The following ACTR8 variants were observed in gnomAD, a reference collection of about 807,000 sequenced individuals.
ACTR8 encodes actin related protein 8.
In ACTR8, 70 loss-of-function variants were observed where a neutral mutation model predicts 84.3. That is an observed-to-expected ratio of 0.83 (90% CI 0.68 to 1.01). The LOEUF (loss-of-function observed/expected upper bound fraction) is 1.01. Ranked by LOEUF, ACTR8 falls within the 50% of genes least tolerant of loss-of-function variation. ACTR8 has a pLI of 0.00. For synonymous variants in ACTR8, 268 were observed against 275.2 expected, an observed-to-expected ratio of 0.97 and a Z score of 0.26; for missense variants, 672 against 775.4, an observed-to-expected ratio of 0.87 and a Z score of 1.58.
In ACTR8 at chr3:53,872,528, T is replaced by C; in HGVS notation, c.1162-4A>G. 2 of 1,585,280 alleles carry C rather than the reference T, an allele frequency of 1.3e-6. No homozygotes were observed. The highest frequency in any genetic ancestry group is 1.7e-6 in the Non-Finnish European group (2 of 1,171,030). Reference sequence around the variant, plus strand: ...GGTAAAACAAAGCCATTGGAGCCTGTACATGAAGAAAAAGAGTGATCAACA... The same window carrying C: ...GGTAAAACAAAGCCATTGGAGCCTGCACATGAAGAAAAAGAGTGATCAACA... On this transcript the variant is annotated splice_region_variant and splice_polypyrimidine_tract_variant and intron_variant, in intron 9 of 12. Transcript: ENST00000335754.
chr3:53,878,585 C>A, intron 2 of ACTR8, 118 bp from the exon 3 acceptor site: 1 of 696,676 alleles, frequency 1.4e-6, no homozygotes. Flanking sequence ...AGTAGCGTTT[C>A]CTTAATCTTT....
chr3:53,866,531 G>C (rs757716916), downstream of ACTR8, among the ~76,000 whole-genome samples: 2 of 151,776 alleles, frequency 1.3e-5, no homozygotes, highest in Non-Finnish European at 2.9e-5. Flanking sequence ...ACCCAGGCTG[G>C]AGTGCAGTGG....
downstream of ACTR8, among the ~76,000 whole-genome samples, chr3:53,866,077 T>A (rs900091689): frequency 1.6e-4 from 25 of 152,380 alleles, no homozygotes; most frequent in African/African-American, 5.5e-4. Context: ...TTTTTATAAA[T>A]GAGTTATTAT....
At chr3:53,872,977 G>T in intron 9 of ACTR8, 55 bp downstream of exon 9, 1 of 1,350,886 alleles carries the variant, frequency 7.4e-7, no homozygotes, top group Non-Finnish European at 1.0e-6. Context: ...CTCTCAGTTT[G>T]ATTGAACCTG....
chr3:53,863,605 C>T (rs547283281), downstream of ACTR8, among the ~76,000 whole-genome samples: 10 of 152,224 alleles, frequency 6.6e-5, no homozygotes, highest in East Asian at 1.5e-3. Flanking sequence ...TGTTTTACAG[C>T]ACCGTATAGG....
At position 53,870,369 on chromosome 3, in the gene ACTR8, G is replaced by A. The variant is rs1699864782; in HGVS notation, c.1568-224C>T. The A allele has an allele frequency of 1.8e-6, 1 of 556,380 alleles. No individual in the cohort carries two copies. The allele number at this position is 556,380 out of a possible 1,614,324, so 34.5% of individuals were successfully genotyped here. A position where few individuals can be genotyped will look rare whatever the true frequency, so the allele number is the denominator to read the frequency against. ...AGGATTAGGATCAAAATCTTTAAAG[G>A]AGGCCGAGCATGGTGGCTCACGCCT... is the stretch of plus-strand genomic sequence containing the variant. On this transcript the variant is annotated intron_variant, in intron 11 of 12. Transcript: ENST00000335754. The surrounding 1 kb of genome is among the most constrained non-coding windows in gnomAD (Gnocchi z 4.1).
chr3:53,861,589 G>A, the ACTR8 span: 1 of 152,178 alleles, frequency 6.6e-6, no homozygotes, highest in African/African-American at 2.4e-5. Context: ...TTGAGAAAAA[G>A]CAAAGTCATT....
In ACTR8 at chr3:53,867,203, T is replaced by C. The variant is rs938427600; in HGVS notation, c.*1516A>G. On this transcript the variant is annotated 3_prime_UTR_variant, in exon 13 of 13. Transcript: ENST00000335754. ...TCCTTTGAAACAGCTCTACCAGTTA[T>C]AAGAGCAATATGCTGTTAGGTGAAG... is the stretch of plus-strand genomic sequence containing the variant. 4 of 152,256 alleles carry C rather than the reference T, an allele frequency of 2.6e-5. No homozygotes were observed. Among genetic ancestry groups the C allele is most frequent in the Non-Finnish European group, 4.4e-5 (3 of 68,042 alleles). 9.4% of individuals were successfully genotyped at this position (152,256 alleles called of 1,614,324 possible).
chr3:53,881,481 T>C (rs1339057118), intron 1 of ACTR8, among the ~76,000 whole-genome samples: 1 of 152,234 alleles, frequency 6.6e-6, no homozygotes, highest in African/African-American at 2.4e-5. Context: ...ATGTCCACCA[T>C]TTCCTTGCTT....
intron 1 of ACTR8, 73 bp downstream of exon 1, chr3:53,881,906 C>A (rs1576870420): frequency 6.5e-7 from 1 of 1,545,844 alleles, no homozygotes; most frequent in East Asian, 2.4e-5. Flanking sequence ...AGCCTCCCGC[C>A]GCCTCCCGCC....
intron 2 of ACTR8, 67 bp downstream of exon 2, chr3:53,879,872 G>A: frequency 1.4e-6 from 2 of 1,408,266 alleles, no homozygotes; most frequent in South Asian, 1.5e-5. Flanking sequence ...AGATTCTGGT[G>A]TACTTGTGTC....
intron 7 of ACTR8, among the ~76,000 whole-genome samples, chr3:53,875,132 T>G (rs1018817901): frequency 2.6e-5 from 4 of 152,200 alleles, no homozygotes; most frequent in African/African-American, 9.7e-5. Flanking sequence ...GAAACCTGGG[T>G]CCAGCATTTT....
rs1431551916 is a variant in ACTR8, at chr3:53,874,338, T to G, written c.938A>C (p.Asp313Ala). The G allele has an allele frequency of 1.2e-6, 2 of 1,613,924 alleles. No individual in the cohort carries two copies. The highest frequency in any genetic ancestry group is 3.3e-5 in the Admixed American group (2 of 59,968). Residue 313 changes from aspartate (D) to alanine (A), a missense_variant, in exon 8 of 13, where the codon GAT (aspartate) becomes GCT (alanine). Transcript: ENST00000335754. ...TRLCLAYGGS[D>A]VSRCFYWLMQ... ...TAGCCAGTAAAAACATCTTGACACA[T>G]CAGATCCTCCGTATGCCAGACAAAG... is the stretch of plus-strand genomic sequence containing the variant.
chr3:53,868,776 T>C lies in ACTR8; in HGVS notation c.1818A>G (p.Arg606=), dbSNP rs1576859159. ...TGCGGACACCAAAGCGCTGCCACTC[T>C]CGCTGATAAATCCACAGTTCCTGTG... ...DTTQELWIYQ[R]EWQRFGVRML... The change falls in exon 13 of 13, where the codon CGA becomes CGG. Residue 606 remains arginine (R), a synonymous_variant. Transcript: ENST00000335754. The C allele has an allele frequency of 3.1e-6, 5 of 1,614,216 alleles. No individual in the cohort carries two copies. The East Asian group carries it at 6.7e-5, about 22-fold the overall frequency.
At chr3:53,880,382 G>A (rs1700040283) in intron 1 of ACTR8, among the ~76,000 whole-genome samples, 2 of 152,288 alleles carry the variant, frequency 1.3e-5, no homozygotes, top group Admixed American at 1.3e-4. Flanking sequence ...TTAACATACA[G>A]TTATTGAGCA....
downstream of ACTR8, chr3:53,865,114 C>T: frequency 1.2e-6 from 2 of 1,614,212 alleles, no homozygotes; most frequent in South Asian, 2.2e-5. Context: ...AAGCCAGATT[C>T]ATCTGCACAA....
At chr3:53,879,089 A>G (rs1362225631) in intron 2 of ACTR8, among the ~76,000 whole-genome samples, 1 of 152,242 alleles carries the variant, frequency 6.6e-6, no homozygotes, top group Non-Finnish European at 1.5e-5. Flanking sequence ...GTTAAGCCAT[A>G]AACTTACTGG....
chr3:53,866,233 A>C (rs981410893), downstream of ACTR8, among the ~76,000 whole-genome samples: 2 of 152,170 alleles, frequency 1.3e-5, no homozygotes, highest in East Asian at 1.9e-4. Flanking sequence ...AGATTTAAAA[A>C]ATTAGCTGAG....
rs1322899764 is a variant in ACTR8, at chr3:53,878,453, A to G, written c.309T>C (p.Asn103=). 6.2e-7 allele frequency: 1 copy of G among 1,611,018 alleles called. No individual in the cohort carries two copies. Among genetic ancestry groups the G allele is most frequent in the Non-Finnish European group, 8.5e-7 (1 of 1,178,548 alleles). Reference sequence around the variant, plus strand: ...TTTTAAGGCCATTTTGTCTTTGTTCATTACTTTCTGGTTTCTGGGGAAAAA... The same window carrying G: ...TTTTAAGGCCATTTTGTCTTTGTTCGTTACTTTCTGGTTTCTGGGGAAAAA... ...LREGLNKPES[N]EQRQNGLKMV... The change falls in exon 3 of 13, where the codon AAT becomes AAC. Residue 103 remains asparagine (N), a synonymous_variant. Transcript: ENST00000335754.
Sources: gnomAD v4.1 joint callset for allele counts (sites outside exome capture counted in the v4.1 genomes callset) on GRCh38, gnomAD v4.1.1 for gene constraint, Gnocchi (gnomAD v3.1) non-coding constraint, MANE v1.5 for transcripts, NCBI Gene and HGNC (gene_info 2026-07-23, HGNC 2026-07-21) for gene names.